NEK10: variants seen among roughly 807,000 people sequenced by gnomAD.
The protein encoded by NEK10 is NIMA related kinase 10.
Under a neutral mutation model 159.8 loss-of-function variants are expected in NEK10, and 122 were observed. That is an observed-to-expected ratio of 0.76 (90% confidence interval 0.66 to 0.89). NEK10 has a LOEUF of 0.89. NEK10 is among the 40% of genes least tolerant of loss of function. The pLI, the probability that NEK10 is intolerant of heterozygous loss-of-function variation, is 0.00. For missense variants in NEK10, 1,342 were observed against 1,323.1 expected (o/e 1.01, Z -0.22); for synonymous variants, 466 against 457.1 (o/e 1.02, Z -0.25).
chr3:27,139,849 T>G lies in NEK10; in HGVS notation c.2970+1633A>C, dbSNP rs181150603. ...TCCCTAACCACATTCAGCAAGAACA[T>G]CCAGAAGCCATTCCTTTCACTAAGA... is the stretch of plus-strand genomic sequence containing the variant. On this transcript the variant is annotated intron_variant, in intron 31 of 35. Coordinates refer to ENST00000691995, the MANE Select transcript of NEK10 (RefSeq NM_001394966.1). Among the ~76,000 whole-genome samples the G allele has an allele frequency of 3.1e-3, 471 of 152,220 alleles. 1 individual carries two copies. The highest frequency in any genetic ancestry group is 4.7e-3 in the Non-Finnish European group (320 of 68,012).
chr3:27,215,941 T>C, intron 23 of NEK10: 1 of 596,854 alleles, frequency 1.7e-6, no homozygotes, highest in South Asian at 2.2e-5. Context: ...AGGGAGAAAT[T>C]CGCCCCCATA....
chr3:27,341,430 T>C (rs1407921495), intron 5 of NEK10, among the ~76,000 whole-genome samples: 2 of 152,194 alleles, frequency 1.3e-5, no homozygotes, highest in Non-Finnish European at 2.9e-5. Flanking sequence ...ACACATTCTA[T>C]GTATGTAACA....
intron 23 of NEK10, among the ~76,000 whole-genome samples, chr3:27,241,961 C>T (rs1454745762): frequency 1.3e-5 from 2 of 152,172 alleles, no homozygotes; most frequent in Non-Finnish European, 2.9e-5. Context: ...CACTGCTGGG[C>T]CTTTTGCCTC....
chr3:27,325,207 C>T (rs2045924428), intron 5 of NEK10, among the ~76,000 whole-genome samples: 1 of 152,186 alleles, frequency 6.6e-6, no homozygotes, highest in Non-Finnish European at 1.5e-5. Context: ...AAGCTAGTTC[C>T]ATAGTGGTGC....
At chr3:27,213,964 A>C (rs752818801) in intron 23 of NEK10, among the ~76,000 whole-genome samples, 1 of 152,204 alleles carries the variant, frequency 6.6e-6, no homozygotes, top group Non-Finnish European at 1.5e-5. Flanking sequence ...AAAGGTAGGA[A>C]TAGAAAGCAT....
intron 16 of NEK10, among the ~76,000 whole-genome samples, chr3:27,292,182 G>A (rs2043044496): frequency 6.6e-6 from 1 of 152,110 alleles, no homozygotes; most frequent in African/African-American, 2.4e-5. Flanking sequence ...TAAGAAGGTA[G>A]ATGGCATGTT....
chr3:27,203,730 CA>C (rs1434365740), intron 23 of NEK10, among the ~76,000 whole-genome samples: 2 of 151,058 alleles, frequency 1.3e-5, no homozygotes, highest in Non-Finnish European at 3.0e-5. Flanking sequence ...TCAAAACAAT[CA>C]AGACAGGTAT....
chr3:27,124,900 C>A (rs2125473523), intron 32 of NEK10, among the ~76,000 whole-genome samples: 1 of 152,256 alleles, frequency 6.6e-6, no homozygotes, highest in Non-Finnish European at 1.5e-5. Context: ...TAGTCCAATG[C>A]AAGTGCTGTG....
chr3:27,281,858 T>C (rs1206532141), intron 22 of NEK10, among the ~76,000 whole-genome samples: 1 of 151,874 alleles, frequency 6.6e-6, no homozygotes, highest in East Asian at 1.9e-4. Context: ...AAAGTGGGAG[T>C]ACTTATCATG....
rs190486085 is a variant in NEK10 at position 27,135,638 on chromosome 3, G to C, written c.2971-3648C>G. ...TTCACAGGACTCCATTTGATAAAAA[G>C]TGATTTAAGTTAGTTCCTAATTCTA... On this transcript the variant is annotated intron_variant, in intron 31 of 35. Transcript: ENST00000691995. Among the ~76,000 whole-genome samples the C allele has an allele frequency of 9.5e-4, 144 of 152,290 alleles. 1 individual carries two copies. The highest frequency in any genetic ancestry group is 5.8e-4 in the East Asian group (3 of 5,180).
chr3:27,197,033 T>A (rs1949619632), intron 25 of NEK10, among the ~76,000 whole-genome samples: 1 of 152,120 alleles, frequency 6.6e-6, no homozygotes, highest in South Asian at 2.1e-4. Flanking sequence ...CTGCAAGCCC[T>A]ATCCTAAGTG....
intron 30 of NEK10, among the ~76,000 whole-genome samples, chr3:27,149,866 C>A (rs1417843025): frequency 6.6e-6 from 1 of 152,222 alleles, no homozygotes; most frequent in African/African-American, 2.4e-5. Context: ...AGGCCTCTTG[C>A]ATCAAATAGT....
intron 22 of NEK10, among the ~76,000 whole-genome samples, chr3:27,273,386 C>T (rs2041525101): frequency 6.6e-6 from 1 of 152,154 alleles, no homozygotes; most frequent in Non-Finnish European, 1.5e-5. Context: ...AAGAGATGAC[C>T]TCTAGAAGTA....
Position 27,201,526 on chromosome 3 carries a change from T to G in NEK10, c.2275A>C (p.Thr759Pro), listed in dbSNP as rs1313705384. 6.2e-7 allele frequency: 1 copy of G among 1,613,856 alleles called. No individual in the cohort carries two copies. Among genetic ancestry groups the G allele is most frequent in the East Asian group, 2.2e-5 (1 of 44,876 alleles). ...VPEGIYSEKV[T>P]DTISRCLTPD... Reference sequence around the variant, plus strand: ...ACTAATTACCTGCTGATGGTGTCTGTTACTTTTTCAGAGTAGATACCTTCT... The same window carrying G: ...ACTAATTACCTGCTGATGGTGTCTGGTACTTTTTCAGAGTAGATACCTTCT... Residue 759 changes from threonine to proline, a missense_variant, in exon 25 of 36, where the codon ACA becomes CCA. Coordinates refer to ENST00000691995, the MANE Select transcript of NEK10 (RefSeq NM_001394966.1).
At chr3:27,234,101 G>C (rs941844527) in intron 23 of NEK10, among the ~76,000 whole-genome samples, 1 of 151,902 alleles carries the variant, frequency 6.6e-6, no homozygotes, top group Non-Finnish European at 1.5e-5. Context: ...TCAATAAACT[G>C]GTATTGAAGA....
chr3:27,129,638 T>C (rs76943226), intron 32 of NEK10, among the ~76,000 whole-genome samples: 1,980 of 152,190 alleles, frequency 0.013, 21 homozygotes, highest in African/African-American at 0.027. Context: ...AACAACTATA[T>C]ATTATACAGA....
chr3:27,240,293 C>G (rs1397174016), intron 23 of NEK10, among the ~76,000 whole-genome samples: 2 of 151,898 alleles, frequency 1.3e-5, no homozygotes, highest in South Asian at 4.1e-4. Context: ...ATTTGCTTGT[C>G]TCTAATGATT....
At chr3:27,127,401 CA>C (rs1942094060) in intron 32 of NEK10, among the ~76,000 whole-genome samples, 1 of 152,134 alleles carries the variant, frequency 6.6e-6, no homozygotes, top group South Asian at 2.1e-4. Flanking sequence ...ATTGTGCAAA[CA>C]TCATAGAGTG....
intron 22 of NEK10, among the ~76,000 whole-genome samples, chr3:27,271,892 A>G (rs2041391682): frequency 6.6e-6 from 1 of 152,180 alleles, no homozygotes; most frequent in Admixed American, 6.6e-5. Context: ...CCCCTTTGAC[A>G]GGACAAATGA....
Sources: gnomAD v4.1 joint callset for allele counts (sites outside exome capture counted in the v4.1 genomes callset) on GRCh38, gnomAD v4.1.1 for gene constraint, MANE v1.5 for transcripts, NCBI Gene and HGNC (gene_info 2026-07-23, HGNC 2026-07-21) for gene names.